ATP10A: variants seen among roughly 807,000 people sequenced by gnomAD.
The protein encoded by ATP10A is ATPase phospholipid transporting 10A (putative).
Under a neutral mutation model 147.8 loss-of-function variants are expected in ATP10A, and 111 were observed. The ratio of observed to expected loss-of-function variants is 0.75; its 90% CI spans 0.64 to 0.88. The LOEUF (loss-of-function observed/expected upper bound fraction) is 0.88. ATP10A is among the 40% of genes least tolerant of loss of function. The pLI, the probability that ATP10A is intolerant of heterozygous loss-of-function variation, is 0.00. For synonymous variants in ATP10A, 875 were observed against 841.6 expected (o/e 1.04, Z -0.69); for missense variants, 1,927 against 1,959.0 (o/e 0.98, Z 0.31).
intron 7 of ATP10A, among the ~76,000 whole-genome samples, chr15:25,720,661 G>A (rs930335933): frequency 1.3e-5 from 1 of 76,828 alleles, no homozygotes; most frequent in African/African-American, 4.3e-5. Context: ...ATGGGTGAGT[G>A]GATGGAGTAC....
At chr15:25,778,853 A>G (rs1283687679) in intron 2 of ATP10A, among the ~76,000 whole-genome samples, 1 of 152,092 alleles carries the variant, frequency 6.6e-6, no homozygotes, top group African/African-American at 2.4e-5. Flanking sequence ...GAAGTTGAAG[A>G]TCAGAAGATA....
downstream of ATP10A, among the ~76,000 whole-genome samples, chr15:25,676,668 C>T (rs1899142466): frequency 1.3e-5 from 2 of 152,142 alleles, no homozygotes; most frequent in East Asian, 3.9e-4. Flanking sequence ...CTGAGAAGGC[C>T]TTTTTATCAT....
chr15:25,716,775 G>A lies in ATP10A; in HGVS notation c.1731C>T (p.Ile577=), dbSNP rs755499540. The change falls in exon 9 of 21, where the codon ATC becomes ATT. Residue 577 remains isoleucine (I), a synonymous_variant. Coordinates refer to ENST00000555815, the MANE Select transcript of ATP10A (RefSeq NM_024490.4). ...GGGACGTGACGACGACTGTGTTGCA[G>A]ATGGTGAGTGCGATGAAGAAATCAA... The part of the protein sequence containing the change: ...DVFDFFIALT[I]CNTVVVTSPD... The A allele has an allele frequency of 3.7e-6, 6 of 1,607,210 alleles. No individual in the cohort carries two copies. Among genetic ancestry groups the A allele is most frequent in the Non-Finnish European group, 5.1e-6 (6 of 1,177,006 alleles).
At chr15:25,676,036 T>G (rs1476088087), downstream of ATP10A, among the ~76,000 whole-genome samples, 2 of 152,206 alleles carry the variant, frequency 1.3e-5, no homozygotes, top group African/African-American at 2.4e-5. Flanking sequence ...GTTGATTTTG[T>G]GATCCACAAA....
chr15:25,807,805 C>T lies in ATP10A; in HGVS notation c.450-26582G>A, dbSNP rs540696417. ...TGACAAGAGTGAAACTCCATCCCCC[C>T]GGCCAAAAAAAAGAAAAAGAAAAAA... On this transcript the variant is annotated intron_variant, in intron 1 of 20. Transcript: ENST00000555815. Among the ~76,000 whole-genome samples the T allele has an allele frequency of 2.2e-5, 3 of 136,098 alleles. No homozygotes were observed. In the South Asian group the frequency reaches 7.8e-4, roughly 35 times the overall value. The allele number at this position is 136,098 out of a possible 152,430, so 89.3% of individuals were successfully genotyped here.
intron 1 of ATP10A, among the ~76,000 whole-genome samples, chr15:25,785,220 T>C (rs760876785): frequency 9.9e-5 from 15 of 151,966 alleles, no homozygotes; most frequent in Admixed American, 9.8e-4. Context: ...GAGAGACTAT[T>C]TGGAGAGAGA....
intron 2 of ATP10A, among the ~76,000 whole-genome samples, chr15:25,745,388 T>C (rs1226115849): frequency 1.3e-5 from 2 of 150,712 alleles, no homozygotes; most frequent in Non-Finnish European, 1.5e-5. Context: ...AACTTGTTAC[T>C]GGCACACAAA....
At chr15:25,804,389 G>A (rs1891084818) in intron 1 of ATP10A, among the ~76,000 whole-genome samples, 2 of 150,378 alleles carry the variant, frequency 1.3e-5, no homozygotes. Flanking sequence ...GTGTGTGTGA[G>A]TGCATATGCG....
Position 25,736,076 on chromosome 15 carries a change from C to T in ATP10A, c.720G>A (p.Leu240=), listed in dbSNP as rs75541743. The T allele has an allele frequency of 2.9e-4, 460 of 1,613,798 alleles. 2 individuals are homozygous for T. In the African/African-American group the frequency reaches 5.3e-3, roughly 19 times the overall value. ...CTCACATGCAGCCGCGAAACCTACTCAGGTCGTTGTTTGGCTTCTCGCATT... is the reference window on the plus strand; with the variant it reads ...CTCACATGCAGCCGCGAAACCTACTTAGGTCGTTGTTTGGCTTCTCGCATT... ...VIECEKPNND[L]SRFRGCIIHD... is the part of the protein sequence containing the mutation. The change falls in exon 3 of 21, where the codon CTG becomes CTA. Residue 240 remains leucine, a synonymous_variant. Transcript: ENST00000555815.
At chr15:25,828,760 T>G (rs1162923958) in intron 1 of ATP10A, among the ~76,000 whole-genome samples, 2 of 152,202 alleles carry the variant, frequency 1.3e-5, no homozygotes, top group Non-Finnish European at 2.9e-5. Flanking sequence ...ATACACAGTA[T>G]TCCAGTAAGT....
At chr15:25,721,227 T>G (rs1185927346) in intron 7 of ATP10A, among the ~76,000 whole-genome samples, 8 of 152,138 alleles carry the variant, frequency 5.3e-5, no homozygotes, top group Non-Finnish European at 1.0e-4. Flanking sequence ...GGAACACTGT[T>G]CCAGGGAAGA....
At chr15:25,800,388 G>A (rs554376894) in intron 1 of ATP10A, among the ~76,000 whole-genome samples, 5 of 151,916 alleles carry the variant, frequency 3.3e-5, no homozygotes, top group Middle Eastern at 3.4e-3. Flanking sequence ...TCTGATATCC[G>A]CCTGTCCCCT....
chr15:25,797,839 G>C (rs1290254344), intron 1 of ATP10A, among the ~76,000 whole-genome samples: 1 of 152,232 alleles, frequency 6.6e-6, no homozygotes, highest in East Asian at 1.9e-4. Context: ...TGCCAGCACA[G>C]CCATGCTACC....
At chr15:25,842,574 T>C (rs11629970) in intron 1 of ATP10A, among the ~76,000 whole-genome samples, 48,805 of 152,086 alleles carry the variant, frequency 0.32, 9,518 homozygotes, top group African/African-American at 0.54. Flanking sequence ...TTCATTTCCT[T>C]GTATTTTGGG....
At chr15:25,725,922 C>A (rs1295192164) in intron 5 of ATP10A, 29 bp downstream of exon 5, 1 of 1,590,146 alleles carries the variant, frequency 6.3e-7, no homozygotes, top group Non-Finnish European at 8.6e-7. Flanking sequence ...CTGGCCCCCA[C>A]TCATTTCCGA....
At chr15:25,763,880 G>A (rs1378441722) in intron 2 of ATP10A, among the ~76,000 whole-genome samples, 1 of 151,988 alleles carries the variant, frequency 6.6e-6, no homozygotes, top group African/African-American at 2.4e-5. Flanking sequence ...ACATTTTTTT[G>A]TAAAAGATAA....
intron 1 of ATP10A, among the ~76,000 whole-genome samples, chr15:25,798,452 C>T (rs1293116202): frequency 6.6e-6 from 1 of 152,184 alleles, no homozygotes; most frequent in African/African-American, 2.4e-5. Flanking sequence ...CCTCAGCAGA[C>T]ACCCACGCAA....
chr15:25,851,292 G>A (rs76049504), intron 1 of ATP10A, among the ~76,000 whole-genome samples: 1,814 of 152,096 alleles, frequency 0.012, 37 homozygotes, highest in African/African-American at 0.042. Context: ...CTTGCATGGA[G>A]GGCTCTGTTC....
intron 1 of ATP10A, among the ~76,000 whole-genome samples, chr15:25,860,984 A>T (rs1597013447): frequency 6.6e-6 from 1 of 152,296 alleles, no homozygotes; most frequent in African/African-American, 2.4e-5. Flanking sequence ...CACCAGGGCT[A>T]TGTGGTGGAG....
Sources: allele counts gnomAD v4.1 joint callset (sites outside exome capture counted in the v4.1 genomes callset), GRCh38; gene constraint gnomAD v4.1.1; transcripts MANE v1.5; gene names NCBI Gene and HGNC (gene_info 2026-07-23, HGNC 2026-07-21).